Variants in UTRN observed in about 807,000 individuals in gnomAD.
The protein encoded by UTRN is utrophin, also known as dystrophin-related protein 1.
In UTRN, 283 loss-of-function variants were observed where a neutral mutation model predicts 463.9. The ratio of observed to expected loss-of-function variants is 0.61; its 90% CI spans 0.55 to 0.67. UTRN has a LOEUF of 0.67. Among genes scored for constraint, UTRN ranks in the 30% least tolerant of loss-of-function variants. UTRN has a pLI of 0.00. For missense variants in UTRN, 3,922 were observed against 4,084.3 expected (o/e 0.96, Z 1.08); for synonymous variants, 1,442 against 1,431.5 (o/e 1.01, Z -0.17).
intron 51 of UTRN, among the ~76,000 whole-genome samples, chr6:144,585,657 A>T (rs1427348471): frequency 6.6e-6 from 1 of 152,172 alleles, no homozygotes; most frequent in Non-Finnish European, 1.5e-5. Context: ...TAGCTATACC[A>T]ACCAAAAATA....
At chr6:144,848,118 G>A (rs1782177224) in intron 74 of UTRN, among the ~76,000 whole-genome samples, 1 of 152,182 alleles carries the variant, frequency 6.6e-6, no homozygotes, top group Admixed American at 6.5e-5. Flanking sequence ...AAGTGAATTG[G>A]AAGCCGGGAC....
At chr6:144,799,037 G>T (rs1777487605) in intron 64 of UTRN, among the ~76,000 whole-genome samples, 1 of 152,238 alleles carries the variant, frequency 6.6e-6, no homozygotes, top group African/African-American at 2.4e-5. Flanking sequence ...GCCATACCTG[G>T]CCCTATGTGT....
intron 50 of UTRN, among the ~76,000 whole-genome samples, chr6:144,569,152 G>A (rs552645727): frequency 4.6e-5 from 7 of 151,876 alleles, no homozygotes; most frequent in African/African-American, 1.7e-4. Flanking sequence ...TGGAGGTGGA[G>A]GAAACAACTA....
At chr6:144,811,675 G>A (rs1048273066) in intron 65 of UTRN, among the ~76,000 whole-genome samples, 1 of 151,542 alleles carries the variant, frequency 6.6e-6, no homozygotes, top group Non-Finnish European at 1.5e-5. Context: ...ATTCAAATGT[G>A]TCTGAATTTC....
intron 51 of UTRN, among the ~76,000 whole-genome samples, chr6:144,597,177 G>T (rs1420205792): frequency 6.7e-6 from 1 of 148,438 alleles, no homozygotes; most frequent in Non-Finnish European, 1.5e-5. Context: ...GGCGAAGGTT[G>T]CAGTGAACCG....
chr6:144,477,533 TACACACACAC>T lies in UTRN; in HGVS notation c.3337-2260_3337-2251del, dbSNP rs10651559. On this transcript the variant is annotated intron_variant, in intron 25 of 74. Coordinates refer to ENST00000367545, the MANE Select transcript of UTRN (RefSeq NM_007124.3). ...TTCTCTCTCTCTGCCTTTCTCTTTATACACACACACACACACACACACACACACGCACACA... is the reference window on the plus strand; with the variant it reads ...TTCTCTCTCTCTGCCTTTCTCTTTATACACACACACACACACACGCACACA... Among the ~76,000 whole-genome samples the T allele has an allele frequency of 4.3e-3, 630 of 146,844 alleles. 1 individual carries two copies. The highest frequency in any genetic ancestry group is 0.014 in the African/African-American group (546 of 39,982).
At chr6:144,841,953 T>G (rs1362208611) in intron 73 of UTRN, among the ~76,000 whole-genome samples, 1 of 151,520 alleles carries the variant, frequency 6.6e-6, no homozygotes, top group Non-Finnish European at 1.5e-5. Flanking sequence ...CTACTAAAAA[T>G]ACAAAAAGTA....
At chr6:144,690,099 G>T (rs867200024) in intron 52 of UTRN, among the ~76,000 whole-genome samples, 1,576 of 37,374 alleles carry the variant, frequency 0.042, 50 homozygotes, top group South Asian at 0.059. Flanking sequence ...TTTTTTTTGT[G>T]TGTGTGTGTG....
intron 2 of UTRN, among the ~76,000 whole-genome samples, chr6:144,327,039 A>C (rs1776017912): frequency 6.6e-6 from 1 of 151,912 alleles, no homozygotes; most frequent in Non-Finnish European, 1.5e-5. Context: ...ATGTTTCGGG[A>C]GGGATTTTAG....
At chr6:144,449,892 G>A (rs1040041380) in intron 17 of UTRN, among the ~76,000 whole-genome samples, 3 of 152,134 alleles carry the variant, frequency 2.0e-5, no homozygotes, top group Non-Finnish European at 4.4e-5. Flanking sequence ...TGTGAGCTCA[G>A]TACCTTCATC....
At chr6:144,316,053 G>A (rs1775267631) in intron 2 of UTRN, among the ~76,000 whole-genome samples, 1 of 152,068 alleles carries the variant, frequency 6.6e-6, no homozygotes, top group African/African-American at 2.4e-5. Flanking sequence ...ATCTTTCATG[G>A]TTGTATTAAA....
At chr6:144,731,230 T>C (rs1021907314) in intron 54 of UTRN, among the ~76,000 whole-genome samples, 5 of 152,144 alleles carry the variant, frequency 3.3e-5, no homozygotes, top group African/African-American at 9.7e-5. Flanking sequence ...TTATATACTT[T>C]AGCTTAAAAT....
chr6:144,484,946 G>T (rs752876740), intron 27 of UTRN, among the ~76,000 whole-genome samples: 2 of 151,658 alleles, frequency 1.3e-5, no homozygotes, highest in East Asian at 1.9e-4. Flanking sequence ...ATGGAGTCTT[G>T]CTCTGTTGCC....
chr6:144,558,867 T>C (rs190015097), intron 50 of UTRN, among the ~76,000 whole-genome samples: 115 of 152,212 alleles, frequency 7.6e-4, no homozygotes, highest in African/African-American at 2.7e-3. Flanking sequence ...ATGGGAGTTA[T>C]GTTGCAGGAA....
At chr6:144,811,644 T>A (rs1284520957) in intron 65 of UTRN, among the ~76,000 whole-genome samples, 2 of 152,128 alleles carry the variant, frequency 1.3e-5, no homozygotes, top group Admixed American at 1.3e-4. Flanking sequence ...CTTTTCTTAC[T>A]GATTGCATCC....
At chr6:144,308,002 A>T (rs1042118692) in intron 2 of UTRN, among the ~76,000 whole-genome samples, 4 of 152,058 alleles carry the variant, frequency 2.6e-5, no homozygotes, top group African/African-American at 9.7e-5. Context: ...AGAGAGAGAT[A>T]ATGGCCCTTT....
At chr6:144,547,092 A>G (rs1429691068) in intron 46 of UTRN, among the ~76,000 whole-genome samples, 2 of 152,192 alleles carry the variant, frequency 1.3e-5, no homozygotes, top group East Asian at 3.9e-4. Context: ...AGCTTCTCAG[A>G]TGTCACTTTT....
chr6:144,679,002 A>G (rs1240009539), intron 52 of UTRN, among the ~76,000 whole-genome samples: 1 of 152,130 alleles, frequency 6.6e-6, no homozygotes, highest in African/African-American at 2.4e-5. Flanking sequence ...GAACTTGCCA[A>G]GTTTTGGGGC....
chr6:144,392,545 T>A (rs1241837872), intron 2 of UTRN, among the ~76,000 whole-genome samples: 2 of 152,276 alleles, frequency 1.3e-5, no homozygotes, highest in African/African-American at 4.8e-5. Context: ...ACATTTCTCA[T>A]ATTCATTAAT....
Sources: allele counts gnomAD v4.1 joint callset (sites outside exome capture counted in the v4.1 genomes callset), GRCh38; gene constraint gnomAD v4.1.1; transcripts MANE v1.5; gene names NCBI Gene and HGNC (gene_info 2026-07-23, HGNC 2026-07-21).